Variants in GLP1R observed in about 807,000 individuals in gnomAD.
The protein encoded by GLP1R is glucagon-like peptide 1 receptor.
GLP1R carries 32 observed loss-of-function variants against 68.4 expected under a neutral mutation model. The ratio of observed to expected loss-of-function variants is 0.47; its 90% CI spans 0.35 to 0.63. The LOEUF (loss-of-function observed/expected upper bound fraction) is 0.63, where lower values mean the gene tolerates loss of function less well. Ranked by LOEUF, GLP1R falls within the 20% of genes least tolerant of loss-of-function variation. GLP1R has a pLI of 0.00. For synonymous variants in GLP1R, 263 were observed against 244.4 expected, an observed-to-expected ratio of 1.08 and a Z score of -0.71; for missense variants, 502 against 594.9, an observed-to-expected ratio of 0.84 and a Z score of 1.62.
intron 1 of GLP1R, among the ~76,000 whole-genome samples, chr6:39,052,589 C>A (rs1457743001): frequency 3.9e-5 from 6 of 152,222 alleles, no homozygotes; most frequent in Admixed American, 1.3e-4. Context: ...TTCAGATTGG[C>A]AGCCAGTGTT....
intron 1 of GLP1R, among the ~76,000 whole-genome samples, chr6:39,054,302 G>A (rs1312531756): frequency 2.0e-5 from 3 of 152,094 alleles, no homozygotes; most frequent in African/African-American, 7.2e-5. Context: ...TAAATACGAG[G>A]CGTGGGAGAG....
intron 5 of GLP1R, among the ~76,000 whole-genome samples, chr6:39,070,253 T>G (rs1381037557): frequency 6.6e-6 from 1 of 152,228 alleles, no homozygotes; most frequent in Non-Finnish European, 1.5e-5. Context: ...TCTGTAATTT[T>G]TTGGTCCAAC....
At chr6:39,085,147 G>A (rs951835781) in intron 12 of GLP1R, among the ~76,000 whole-genome samples, 2 of 152,058 alleles carry the variant, frequency 1.3e-5, no homozygotes, top group South Asian at 4.2e-4. Flanking sequence ...AAGGGATGGG[G>A]GCTCCACAGT....
chr6:39,076,724 C>T (rs150760234), intron 7 of GLP1R, among the ~76,000 whole-genome samples: 149 of 152,340 alleles, frequency 9.8e-4, no homozygotes, highest in Middle Eastern at 3.4e-3. Flanking sequence ...TATGCACATG[C>T]TTACCTATCT....
At chr6:39,082,917 C>T (rs879566630) in intron 12 of GLP1R, among the ~76,000 whole-genome samples, 2 of 152,106 alleles carry the variant, frequency 1.3e-5, no homozygotes, top group African/African-American at 2.4e-5. Flanking sequence ...CTAGCAGACA[C>T]GTGTGCTTGG....
Position 39,086,566 on chromosome 6 carries a change from C to T in GLP1R, c.*493C>T, listed in dbSNP as rs1370129761. ...TGCTTGCATCACTTGGGGTCACCAC[C>T]CTCCCCTGTCTTCTCTCAAAGGGAA... On this transcript the variant is annotated 3_prime_UTR_variant, in exon 13 of 13. Transcript: ENST00000373256. The surrounding 1 kb of genome is among the most constrained non-coding windows in gnomAD (Gnocchi z 4.5). The T allele has an allele frequency of 6.5e-6, 1 of 153,366 alleles. No individual in the cohort carries two copies. 9.5% of individuals were successfully genotyped at this position (153,366 alleles called of 1,614,324 possible).
At chr6:39,061,001 G>A (rs1051782865) in intron 3 of GLP1R, among the ~76,000 whole-genome samples, 1 of 152,206 alleles carries the variant, frequency 6.6e-6, no homozygotes, top group Admixed American at 6.5e-5. Context: ...AGGGACAGGT[G>A]ACACTGGGGC....
Position 39,073,669 on chromosome 6 carries a change from C to T in GLP1R, c.723C>T (p.Tyr241=). The T allele has an allele frequency of 6.2e-7, 1 of 1,613,736 alleles. No individual in the cohort carries two copies. The highest frequency in any genetic ancestry group is 8.5e-7 in the Non-Finnish European group (1 of 1,179,662). The part of the protein sequence containing the change: ...LLMQYCVAAN[Y]YWLLVEGVYL... Reference sequence around the variant, plus strand: ...TGCAGTACTGTGTGGCGGCCAATTACTACTGGCTCTTGGTGGAGGGCGTGT... The same window carrying T: ...TGCAGTACTGTGTGGCGGCCAATTATTACTGGCTCTTGGTGGAGGGCGTGT... The change falls in exon 7 of 13, where the codon TAC becomes TAT. Residue 241 remains tyrosine (Y), a synonymous_variant. Coordinates refer to ENST00000373256, the MANE Select transcript of GLP1R (RefSeq NM_002062.5).
Position 39,086,146 on chromosome 6 carries a change from C to T in GLP1R, c.*73C>T, listed in dbSNP as rs1583656080. 6.1e-6 allele frequency: 7 copies of T among 1,138,998 alleles called. No homozygotes were observed. Among genetic ancestry groups the T allele is most frequent in the Non-Finnish European group, 9.1e-6 (7 of 771,644 alleles). 70.6% of individuals were successfully genotyped at this position (1,138,998 alleles called of 1,614,324 possible). ...CCAATCCAGGTGGGAGAGACACTCC[C>T]AGGGACAAGGGAAGGAAGGGACACA... On this transcript the variant is annotated 3_prime_UTR_variant, in exon 13 of 13. Coordinates refer to ENST00000373256, the MANE Select transcript of GLP1R (RefSeq NM_002062.5). The surrounding 1 kb of genome is among the most constrained non-coding windows in gnomAD (Gnocchi z 4.5).
At chr6:39,083,590 C>T (rs1769066852) in intron 12 of GLP1R, among the ~76,000 whole-genome samples, 1 of 152,200 alleles carries the variant, frequency 6.6e-6, no homozygotes, top group Non-Finnish European at 1.5e-5. Context: ...GAGTGCTTGT[C>T]CCAGCCCTGC....
At position 39,088,426 on chromosome 6, in the gene GLP1R, A is replaced by G. The variant is rs10305527; in HGVS notation, c.*2353A>G. Among the ~76,000 whole-genome samples, 1 of 152,180 alleles carries G rather than the reference A, an allele frequency of 6.6e-6. No individual in the cohort carries two copies. The highest frequency in any genetic ancestry group is 2.4e-5 in the African/African-American group (1 of 41,446). ...TACTCTGAAATTCCAGCAGCTGTTT[A>G]CATGCCTGATGCCTAATGCCATACG... On this transcript the variant is annotated 3_prime_UTR_variant, in exon 13 of 13. Transcript: ENST00000373256.
chr6:39,051,896 G>GC (rs1554168345), intron 1 of GLP1R, among the ~76,000 whole-genome samples: 1 of 131,680 alleles, frequency 7.6e-6, no homozygotes, highest in East Asian at 2.1e-4. Flanking sequence ...TGTGTGTGTG[G>GC]GGGGGGGGGC....
At position 39,090,422 on chromosome 6, in the gene GLP1R, T is replaced by C. The variant is rs981693748; in HGVS notation, c.*4349T>C. On this transcript the variant is annotated 3_prime_UTR_variant, in exon 13 of 13. Transcript: ENST00000373256. ...CCTTGTCTAGCAGTGGCTCCATTTT[T>C]CCCCGATGCATCCAACTTCCCTCCC... 6.6e-6 allele frequency among the ~76,000 whole-genome samples: 1 copy of C among 152,082 alleles called. No individual in the cohort carries two copies. Among genetic ancestry groups the C allele is most frequent in the Non-Finnish European group, 1.5e-5 (1 of 68,004 alleles).
chr6:39,074,946 C>T (rs904644329), intron 7 of GLP1R, among the ~76,000 whole-genome samples: 2 of 152,190 alleles, frequency 1.3e-5, no homozygotes, highest in African/African-American at 2.4e-5. Flanking sequence ...CAGCTCCCCC[C>T]ACCCCCCAGG....
In GLP1R at chr6:39,051,892, T is replaced by TGGG. The variant is rs1462606600; in HGVS notation, c.78+2975_78+2976insGGG. Reference sequence around the variant, plus strand: ...GTCTGTGGGAGGGTCTGTGTGTGTGTGTGGGGGGGGGGGCATCTTGGTGTG... The same window carrying TGGG: ...GTCTGTGGGAGGGTCTGTGTGTGTGTGGGGTGGGGGGGGGGGCATCTTGGTGTG... On this transcript the variant is annotated intron_variant, in intron 1 of 12. Transcript: ENST00000373256. Among the ~76,000 whole-genome samples the TGGG allele has an allele frequency of 1.3e-4, 17 of 129,666 alleles. No individual in the cohort carries two copies. The East Asian group carries it at 3.6e-3, about 28-fold the overall frequency. The allele number at this position is 129,666 out of a possible 152,430, so 85.1% of individuals were successfully genotyped here. A position where few individuals can be genotyped will look rare whatever the true frequency, so the allele number is the denominator to read the frequency against.
chr6:39,073,132 T>G, intron 6 of GLP1R, 117 bp downstream of exon 6: 1 of 922,282 alleles, frequency 1.1e-6, no homozygotes, highest in Non-Finnish European at 1.6e-6. Context: ...TCCTGGCCCT[T>G]CGGGAGCCCC....
intron 5 of GLP1R, among the ~76,000 whole-genome samples, chr6:39,066,595 C>T (rs935734251): frequency 1.1e-4 from 16 of 152,190 alleles, no homozygotes; most frequent in Admixed American, 4.6e-4. Context: ...GATGGGATTA[C>T]GGAAAATCCC....
rs201675748 is a variant in GLP1R, at chr6:39,056,448, C to A, written c.130C>A (p.Arg44Ser). 5.6e-6 allele frequency: 9 copies of A among 1,610,940 alleles called. No individual in the cohort carries two copies. Among genetic ancestry groups the A allele is most frequent in the Non-Finnish European group, 6.8e-6 (8 of 1,177,138 alleles). Residue 44 changes from arginine to serine, a missense_variant, in exon 2 of 13, where the codon CGC becomes AGC. By Grantham distance (110) the Arg-to-Ser change is moderately radical. Transcript: ENST00000373256. ...ETVQKWREYR[R>S]QCQRSLTEDP... ...GGTGCAGAAATGGCGAGAATACCGA[C>A]GCCAGTGCCAGCGCTCCCTGACTGA...
At chr6:39,054,627 G>A (rs575764640) in intron 1 of GLP1R, among the ~76,000 whole-genome samples, 3 of 152,258 alleles carry the variant, frequency 2.0e-5, no homozygotes, top group East Asian at 3.9e-4. Flanking sequence ...CCCTCCCCCC[G>A]CCTCTGGGAA....
Sources: gnomAD v4.1 joint callset for allele counts (sites outside exome capture counted in the v4.1 genomes callset) on GRCh38, gnomAD v4.1.1 for gene constraint, Gnocchi (gnomAD v3.1) non-coding constraint, MANE v1.5 for transcripts, NCBI Gene and HGNC (gene_info 2026-07-23, HGNC 2026-07-21) for gene names.